Variants in PKM observed in about 807,000 individuals in gnomAD.
The protein encoded by PKM is pyruvate kinase PKM.
A neutral mutation model predicts 49.8 loss-of-function variants in PKM; 18 were observed. The ratio of observed to expected loss-of-function variants is 0.36; its 90% confidence interval spans 0.25 to 0.54. PKM has a LOEUF of 0.54. Ranked by LOEUF, PKM falls within the 20% of genes least tolerant of loss-of-function variation. The pLI is 0.89. For synonymous variants in PKM, 239 were observed against 261.8 expected, an observed-to-expected ratio of 0.91 and a Z score of 0.84; for missense variants, 508 against 713.8, an observed-to-expected ratio of 0.71 and a Z score of 3.28.
chr15:72,217,460 A>C lies in PKM; in HGVS notation c.195T>G (p.Ile65Met). 1 of 1,613,118 alleles carries C rather than the reference A, an allele frequency of 6.2e-7. No individual in the cohort carries two copies. The highest frequency in any genetic ancestry group is 8.5e-7 in the Non-Finnish European group (1 of 1,179,074). ...SRSVETLKEM[I>M]KSGMNVARLN... is the part of the protein sequence containing the mutation. ...GACGAGCCACATTCATTCCAGACTTAATCATCTCCTTCAACGTCTCCACTG... is the reference window on the plus strand; with the variant it reads ...GACGAGCCACATTCATTCCAGACTTCATCATCTCCTTCAACGTCTCCACTG... The change falls in exon 3 of 11, where the codon ATT (isoleucine) becomes ATG (methionine). Residue 65 changes from isoleucine to methionine, a missense_variant. Coordinates refer to ENST00000335181, the MANE Select transcript of PKM (RefSeq NM_002654.6).
intron 3 of PKM, among the ~76,000 whole-genome samples, chr15:72,211,217 A>G (rs991173176): frequency 6.6e-6 from 1 of 151,734 alleles, no homozygotes; most frequent in Non-Finnish European, 1.5e-5. Flanking sequence ...GCAGGCGCCC[A>G]CCACCACGCC....
intron 7 of PKM, 90 bp from the exon 8 acceptor site, chr15:72,206,970 T>A: frequency 6.6e-7 from 1 of 1,523,486 alleles, no homozygotes. Context: ...AGTGAGTAGG[T>A]ACACAGAGTA....
rs1362668677 is a variant in PKM, at chr15:72,230,973, T to C, written c.-14+143A>G. 18 of 1,285,312 alleles carry C rather than the reference T, an allele frequency of 1.4e-5. No individual in the cohort carries two copies. In the South Asian group the frequency reaches 1.7e-4, roughly 12 times the overall value. The allele number at this position is 1,285,312 out of a possible 1,614,324, so 79.6% of individuals were successfully genotyped here. A position where few individuals can be genotyped will look rare whatever the true frequency, so the allele number is the denominator to read the frequency against. ...GCGTGAGGAGCCGTTCTCCTCTCTCTGAGCTCCACTGCATCCCAGACGCCC... is the reference window on the plus strand; with the variant it reads ...GCGTGAGGAGCCGTTCTCCTCTCTCCGAGCTCCACTGCATCCCAGACGCCC... On this transcript the variant is annotated intron_variant, in intron 1 of 10. Transcript: ENST00000335181.
intron 1 of PKM, among the ~76,000 whole-genome samples, chr15:72,220,750 C>T (rs1005513030): frequency 6.6e-6 from 1 of 152,220 alleles, no homozygotes; most frequent in African/African-American, 2.4e-5. Context: ...TTCAGTCTCT[C>T]TGAATGCCTC....
At chr15:72,226,448 T>C (rs2082671766) in intron 1 of PKM, among the ~76,000 whole-genome samples, 1 of 152,148 alleles carries the variant, frequency 6.6e-6, no homozygotes, top group South Asian at 2.1e-4. Flanking sequence ...GAGAATGGCA[T>C]GAACCCGGGA....
chr15:72,206,980 A>G, intron 7 of PKM, 100 bp from the exon 8 acceptor site: 2 of 1,487,074 alleles, frequency 1.3e-6, no homozygotes, highest in Non-Finnish European at 9.4e-7. Flanking sequence ...TACACAGAGT[A>G]TGGCTTTGTG....
chr15:72,202,517 C>T lies in PKM; in HGVS notation c.1244G>A (p.Gly415Asp). ...GCACTTGAAGGAGGCCTCCACGGCA[C>T]CCACGGCGGTGGCTTCTGTGGGGTC... ...TSDPTEATAV[G>D]AVEASFKCCS... is the part of the protein sequence containing the mutation. Residue 415 changes from glycine (G) to aspartate (D), a missense_variant, in exon 9 of 11, where the codon GGT becomes GAT. By Grantham distance (94) the Gly-to-Asp change is moderately conservative. Coordinates refer to ENST00000335181, the MANE Select transcript of PKM (RefSeq NM_002654.6). This position sits in a 1 kb window ranked among gnomAD's most constrained non-coding sequence, Gnocchi z 4.5. 1 of 1,613,662 alleles carries T rather than the reference C, an allele frequency of 6.2e-7. No individual in the cohort carries two copies. Among genetic ancestry groups the T allele is most frequent in the Non-Finnish European group, 8.5e-7 (1 of 1,179,898 alleles).
chr15:72,214,278 GCAAA>G (rs2082324801), intron 3 of PKM, among the ~76,000 whole-genome samples: 1 of 152,134 alleles, frequency 6.6e-6, no homozygotes, highest in African/African-American at 2.4e-5. Context: ...AGTGTTTCAT[GCAAA>G]CATGCATTTT....
At position 72,199,622 on chromosome 15, in the gene PKM, G is replaced by A. The variant is rs10732234; in HGVS notation, c.*28C>T. 6,255 of 1,513,432 alleles carry A rather than the reference G, an allele frequency of 4.1e-3. 22 individuals carry two copies. Among genetic ancestry groups the A allele is most frequent in the Non-Finnish European group, 5.1e-3 (5,571 of 1,089,344 alleles). The allele number at this position is 1,513,432 out of a possible 1,614,324, so 93.8% of individuals were successfully genotyped here. On this transcript the variant is annotated 3_prime_UTR_variant, in exon 11 of 11. Transcript: ENST00000335181. ...TGGGCTGGGGGAAGGGGGTGGGACA[G>A]GGGCTGGAGGAGGGGCTCTGGGGTC...
intron 3 of PKM, among the ~76,000 whole-genome samples, chr15:72,211,069 G>GTTT (rs35471277): frequency 7.0e-6 from 1 of 142,560 alleles, no homozygotes; most frequent in Admixed American, 7.0e-5. Flanking sequence ...CAATCGCTTT[G>GTTT]TTTTTTTTTT....
rs776882963 is a variant in PKM, at chr15:72,200,615, TGG to T, written c.1346_1347del (p.Pro449HisfsTer35). The T allele has an allele frequency of 1.9e-5, 30 of 1,613,310 alleles. No individual in the cohort carries two copies. The highest frequency in any genetic ancestry group is 2.5e-5 in the Non-Finnish European group (29 of 1,179,532). ...HQVARYRPRA[P>X]IIAVTRNPQT... ...TGGGGATTCCGGGTCACAGCAATGA[TGG>T]GGGCACGTGGGCGGTATCTGGCCAC... On this transcript the variant is annotated frameshift_variant, in exon 10 of 11. Coordinates refer to ENST00000335181, the MANE Select transcript of PKM (RefSeq NM_002654.6). LOFTEE classifies it high-confidence loss of function. This position sits in a 1 kb window ranked among gnomAD's most constrained non-coding sequence, Gnocchi z 4.6.
chr15:72,230,893 G>C, intron 1 of PKM: 1 of 1,282,032 alleles, frequency 7.8e-7, no homozygotes, highest in Non-Finnish European at 1.0e-6. Flanking sequence ...GGAGCCGGCG[G>C]ACCCGCCTGA....
In PKM at chr15:72,214,460, A is replaced by G. The variant is rs564794523; in HGVS notation, c.246+2949T>C. On this transcript the variant is annotated intron_variant, in intron 3 of 10. Coordinates refer to ENST00000335181, the MANE Select transcript of PKM (RefSeq NM_002654.6). Reference sequence around the variant, plus strand: ...ATGTTATGTGGTAAAGCATCCATCAATGCTGTCCTGTGGAAGGCTCTACAT... The same window carrying G: ...ATGTTATGTGGTAAAGCATCCATCAGTGCTGTCCTGTGGAAGGCTCTACAT... 2.6e-5 allele frequency among the ~76,000 whole-genome samples: 4 copies of G among 152,320 alleles called. No individual in the cohort carries two copies. The South Asian group carries it at 6.2e-4, about 24-fold the overall frequency.
At chr15:72,221,870 G>C (rs73436400) in intron 1 of PKM, among the ~76,000 whole-genome samples, 3,555 of 136,986 alleles carry the variant, frequency 0.026, 137 homozygotes, top group African/African-American at 0.093. Context: ...ATGTACTGCA[G>C]AACAGTTTCA....
intron 1 of PKM, among the ~76,000 whole-genome samples, chr15:72,224,687 A>G (rs1040313551): frequency 6.6e-5 from 10 of 151,896 alleles, no homozygotes; most frequent in Non-Finnish European, 7.4e-5. Context: ...ATATGGTGAA[A>G]CACCATCACT....
intron 8 of PKM, among the ~76,000 whole-genome samples, chr15:72,206,085 G>A (rs1310112916): frequency 1.3e-5 from 2 of 152,218 alleles, no homozygotes; most frequent in Non-Finnish European, 1.5e-5. Flanking sequence ...CTGTGGCCCT[G>A]CCACCAGTCA....
At chr15:72,225,066 C>T (rs186534664) in intron 1 of PKM, among the ~76,000 whole-genome samples, 50 of 148,134 alleles carry the variant, frequency 3.4e-4, no homozygotes, top group Admixed American at 7.4e-4. Context: ...GGACTACAGG[C>T]GCCCGCCACC....
chr15:72,214,859 A>C (rs1476557980), intron 3 of PKM, among the ~76,000 whole-genome samples: 1 of 152,162 alleles, frequency 6.6e-6, no homozygotes, highest in Non-Finnish European at 1.5e-5. Flanking sequence ...CATGTTCAGC[A>C]AGAATGCATC....
In PKM at chr15:72,200,904, G is replaced by A; in HGVS notation, c.1308-249C>T. 1 of 478,502 alleles carries A rather than the reference G, an allele frequency of 2.1e-6. No homozygotes were observed. Among genetic ancestry groups the A allele is most frequent in the Non-Finnish European group, 3.8e-6 (1 of 264,786 alleles). The allele number at this position is 478,502 out of a possible 1,614,324, so 29.6% of individuals were successfully genotyped here. ...AAGGGCTCAGGATCACCTTGACCCA[G>A]CAAGATCAGCCTCACCCACTTACCC... is the stretch of plus-strand genomic sequence containing the variant. On this transcript the variant is annotated intron_variant, in intron 9 of 10. Coordinates refer to ENST00000335181, the MANE Select transcript of PKM (RefSeq NM_002654.6). This position sits in a 1 kb window ranked among gnomAD's most constrained non-coding sequence, Gnocchi z 4.6.
Sources: gnomAD v4.1 joint callset for allele counts (sites outside exome capture counted in the v4.1 genomes callset) on GRCh38, gnomAD v4.1.1 for gene constraint, Gnocchi (gnomAD v3.1) non-coding constraint, MANE v1.5 for transcripts, NCBI Gene and HGNC (gene_info 2026-07-23, HGNC 2026-07-21) for gene names.